Variants in MCC observed in about 807,000 individuals in gnomAD.
MCC encodes MCC regulator of Wnt signaling pathway, also known as colorectal mutant cancer protein.
MCC carries 90 observed loss-of-function variants against 116.2 expected under a neutral mutation model. That is an observed-to-expected ratio of 0.77 (90% CI 0.65 to 0.92). The LOEUF is 0.92. MCC is among the 40% of genes least tolerant of loss of function. The pLI, the probability that MCC is intolerant of heterozygous loss-of-function variation, is 0.00. For synonymous variants in MCC, 578 were observed against 510.5 expected (o/e 1.13, Z -1.78); for missense variants, 1,516 against 1,312.2 (o/e 1.16, Z -2.40).
At chr5:113,390,376 A>G (rs551092232) in intron 1 of MCC, among the ~76,000 whole-genome samples, 2 of 152,208 alleles carry the variant, frequency 1.3e-5, no homozygotes, top group Non-Finnish European at 2.9e-5. Context: ...AAAAGACCTC[A>G]GTTTGTATCA....
At chr5:113,091,037 G>A (rs1257747380) in intron 8 of MCC, among the ~76,000 whole-genome samples, 44 of 152,198 alleles carry the variant, frequency 2.9e-4, no homozygotes, top group Admixed American at 2.9e-3. Context: ...CTAGCTGCTT[G>A]AGCTGATCCC....
At chr5:113,079,802 C>T (rs1277577722) in intron 11 of MCC, among the ~76,000 whole-genome samples, 1 of 152,162 alleles carries the variant, frequency 6.6e-6, no homozygotes, top group African/African-American at 2.4e-5. Flanking sequence ...GCAAAATAGA[C>T]AAATGGGATC....
chr5:113,031,471 G>A (rs10076751), intron 17 of MCC, among the ~76,000 whole-genome samples: 34,438 of 150,878 alleles, frequency 0.23, 4,319 homozygotes, highest in African/African-American at 0.32. Flanking sequence ...GGGAAGCCAG[G>A]GACTCCTGCT....
intron 5 of MCC, among the ~76,000 whole-genome samples, chr5:113,130,335 T>A (rs6594689): frequency 5.9e-5 from 9 of 152,126 alleles, no homozygotes; most frequent in Admixed American, 2.0e-4. Context: ...GGGGCCTGTC[T>A]GGGGATGGGG....
At position 113,143,239 on chromosome 5, in the gene MCC, C is replaced by T. The variant is rs199564726; in HGVS notation, c.863G>A (p.Arg288His). ...GTACCTGATGGTGGTGCCTTGCAGA[C>T]GGTCTATCTTCTTGTTGAGCTCCGC... is the stretch of plus-strand genomic sequence containing the variant. ...VIAELNKKID[R>H]LQGTTIREED... Residue 288 changes from arginine (R) to histidine (H), a missense_variant, in exon 5 of 19, where the codon CGT becomes CAT. Transcript: ENST00000408903. 97 of 1,607,856 alleles carry T rather than the reference C, an allele frequency of 6.0e-5. No homozygotes were observed. The highest frequency in any genetic ancestry group is 1.3e-4 in the South Asian group (12 of 90,168).
At chr5:113,163,948 T>C (rs1760638046) in intron 3 of MCC, among the ~76,000 whole-genome samples, 1 of 152,162 alleles carries the variant, frequency 6.6e-6, no homozygotes, top group Non-Finnish European at 1.5e-5. Flanking sequence ...TTACAGATGA[T>C]TTTCTTTCTC....
At chr5:113,084,012 A>G (rs1047626575) in intron 10 of MCC, 89 bp downstream of exon 10, 21 of 976,876 alleles carry the variant, frequency 2.1e-5, no homozygotes, top group African/African-American at 3.2e-5. Context: ...TATTGGAGAT[A>G]GACTTTGGAA....
chr5:113,183,968 A>T (rs1050625145), intron 3 of MCC, among the ~76,000 whole-genome samples: 5 of 151,854 alleles, frequency 3.3e-5, no homozygotes, highest in African/African-American at 1.2e-4. Flanking sequence ...AAGCCCAAAG[A>T]GCTTAGAGGA....
intron 1 of MCC, among the ~76,000 whole-genome samples, chr5:113,460,925 G>C (rs1771725569): frequency 6.6e-6 from 1 of 152,174 alleles, no homozygotes; most frequent in African/African-American, 2.4e-5. Flanking sequence ...AGAAGTACTG[G>C]TTTATGGCAC....
chr5:113,168,546 G>A (rs1220637882), intron 3 of MCC, among the ~76,000 whole-genome samples: 1 of 152,098 alleles, frequency 6.6e-6, no homozygotes, highest in Non-Finnish European at 1.5e-5. Flanking sequence ...TATACAAAAG[G>A]ATAAATCTAT....
At chr5:113,095,624 A>G (rs1291831227) in intron 8 of MCC, among the ~76,000 whole-genome samples, 7 of 151,932 alleles carry the variant, frequency 4.6e-5, no homozygotes, top group Non-Finnish European at 7.4e-5. Context: ...GGCTCAAGCC[A>G]TTTTCCCACC....
At position 113,232,386 on chromosome 5, in the gene MCC, T is replaced by C. The variant is rs114514314; in HGVS notation, c.628-80964A>G. Among the ~76,000 whole-genome samples, 1,199 of 152,282 alleles carry C rather than the reference T, an allele frequency of 7.9e-3. 5 individuals carry two copies. The highest frequency in any genetic ancestry group is 0.014 in the Middle Eastern group (4 of 294). ...TAATTTTGGAATCAATCTTCCAGAA[T>C]TGGATGCCTGAACACTAGCACATAA... is the stretch of plus-strand genomic sequence containing the variant. On this transcript the variant is annotated intron_variant, in intron 3 of 18. Coordinates refer to ENST00000408903, the MANE Select transcript of MCC (RefSeq NM_001085377.2).
At chr5:113,129,184 G>A (rs1758275952) in intron 5 of MCC, among the ~76,000 whole-genome samples, 3 of 152,158 alleles carry the variant, frequency 2.0e-5, no homozygotes, top group Admixed American at 6.5e-5. Flanking sequence ...TGAGGTTAAA[G>A]GTGTGAGAGA....
intron 2 of MCC, among the ~76,000 whole-genome samples, chr5:113,376,109 A>G (rs1474237829): frequency 6.6e-6 from 1 of 152,218 alleles, no homozygotes; most frequent in African/African-American, 2.4e-5. Flanking sequence ...CCTTGGTAAT[A>G]TTGATCTTTA....
At chr5:113,244,762 C>G (rs1419853822) in intron 3 of MCC, among the ~76,000 whole-genome samples, 3 of 152,158 alleles carry the variant, frequency 2.0e-5, no homozygotes, top group Admixed American at 1.3e-4. Flanking sequence ...AGGTGCTTCC[C>G]TAAAGTAATT....
chr5:113,306,587 A>G (rs1012245662), intron 3 of MCC, among the ~76,000 whole-genome samples: 9 of 152,024 alleles, frequency 5.9e-5, no homozygotes, highest in African/African-American at 2.2e-4. Context: ...TTATTGTTTA[A>G]TTTTAAGATT....
At chr5:113,353,681 A>T (rs1162214730) in intron 2 of MCC, among the ~76,000 whole-genome samples, 1 of 152,188 alleles carries the variant, frequency 6.6e-6, no homozygotes, top group Admixed American at 6.5e-5. Context: ...AACATTGATC[A>T]GTCTACACAT....
chr5:113,056,842 T>A lies in MCC; in HGVS notation c.2214-2883A>T, dbSNP rs561103151. Among the ~76,000 whole-genome samples, 14 of 152,224 alleles carry A rather than the reference T, an allele frequency of 9.2e-5. No homozygotes were observed. The East Asian group carries it at 1.5e-3, about 17-fold the overall frequency. The stretch of plus-strand genomic sequence containing the variant: ...AAATATTGGAGTGCCTACTATGGGG[T>A]CCTGGAAAAATCCCTGCCCTCAGGG... On this transcript the variant is annotated intron_variant, in intron 14 of 18. Transcript: ENST00000408903.
chr5:113,177,503 G>C (rs566812361), intron 3 of MCC, among the ~76,000 whole-genome samples: 1 of 152,314 alleles, frequency 6.6e-6, no homozygotes, highest in South Asian at 2.1e-4. Flanking sequence ...TCTAGGGCTA[G>C]ACAGTCCAAT....
Sources: allele counts gnomAD v4.1 joint callset (sites outside exome capture counted in the v4.1 genomes callset), GRCh38; gene constraint gnomAD v4.1.1; transcripts MANE v1.5; gene names NCBI Gene and HGNC (gene_info 2026-07-23, HGNC 2026-07-21).